Variants in MGMT observed in about 807,000 individuals in gnomAD.
MGMT encodes methylated-DNA--protein-cysteine methyltransferase.
In MGMT, 14 loss-of-function variants were observed where a neutral mutation model predicts 15.9. That is an observed-to-expected ratio of 0.88 (90% CI 0.58 to 1.37). MGMT has a LOEUF of 1.37. Among genes scored for constraint, MGMT ranks in the 40% most tolerant of loss-of-function variants. MGMT has a pLI of 0.00. For synonymous variants in MGMT, 130 were observed against 118.2 expected (o/e 1.10, Z -0.65); for missense variants, 282 against 268.1 (o/e 1.05, Z -0.36).
At chr10:129,640,444 A>T (rs1847315327) in intron 2 of MGMT, among the ~76,000 whole-genome samples, 1 of 152,224 alleles carries the variant, frequency 6.6e-6, no homozygotes, top group South Asian at 2.1e-4. Context: ...TTCAAGAAGA[A>T]ATAGTCTTAA....
intron 2 of MGMT, among the ~76,000 whole-genome samples, chr10:129,575,448 G>A (rs1302630871): frequency 4.0e-5 from 6 of 150,602 alleles, no homozygotes; most frequent in African/African-American, 9.8e-5. Flanking sequence ...GGTACATAAC[G>A]AAATGAAGGC....
At chr10:129,638,443 AAAG>A (rs1435454854) in intron 2 of MGMT, among the ~76,000 whole-genome samples, 47 of 121,392 alleles carry the variant, frequency 3.9e-4, no homozygotes, top group Non-Finnish European at 6.0e-4. Context: ...AAAAAAAAAA[AAAG>A]AAAAAAAAAA....
At chr10:129,627,335 G>A (rs1311340161) in intron 2 of MGMT, among the ~76,000 whole-genome samples, 1 of 151,960 alleles carries the variant, frequency 6.6e-6, no homozygotes, top group Non-Finnish European at 1.5e-5. Flanking sequence ...AGGATTTCTG[G>A]AACCAGTCTA....
chr10:129,716,926 T>G (rs1367615172), intron 3 of MGMT, among the ~76,000 whole-genome samples: 2 of 152,220 alleles, frequency 1.3e-5, no homozygotes, highest in Non-Finnish European at 2.9e-5. Flanking sequence ...TATTTTAATA[T>G]TCAACTGAGC....
chr10:129,513,324 C>T (rs1040945737), intron 1 of MGMT, among the ~76,000 whole-genome samples: 2 of 152,190 alleles, frequency 1.3e-5, no homozygotes, highest in African/African-American at 2.4e-5. Flanking sequence ...GATGGATACA[C>T]AACTTTGTGA....
chr10:129,590,836 A>G (rs1363450632), intron 2 of MGMT, among the ~76,000 whole-genome samples: 1 of 152,198 alleles, frequency 6.6e-6, no homozygotes, highest in African/African-American at 2.4e-5. Flanking sequence ...CTCGTGAGGA[A>G]TATGTCGGTG....
chr10:129,515,206 A>G (rs886347921), intron 1 of MGMT, among the ~76,000 whole-genome samples: 1 of 152,208 alleles, frequency 6.6e-6, no homozygotes, highest in African/African-American at 2.4e-5. Flanking sequence ...CTCGTCTGAG[A>G]GGACACGTGT....
At chr10:129,652,790 G>A (rs1229601301) in intron 2 of MGMT, among the ~76,000 whole-genome samples, 2 of 152,206 alleles carry the variant, frequency 1.3e-5, no homozygotes, top group South Asian at 2.1e-4. Flanking sequence ...TGCCATGCAG[G>A]GCGCACCCAC....
At chr10:129,730,904 G>C (rs1012103024) in intron 3 of MGMT, among the ~76,000 whole-genome samples, 2 of 152,220 alleles carry the variant, frequency 1.3e-5, no homozygotes, top group African/African-American at 4.8e-5. Context: ...CCTTAAGTTT[G>C]TGCTTAAAGT....
chr10:129,622,382 T>C (rs915151460), intron 2 of MGMT, among the ~76,000 whole-genome samples: 1 of 152,240 alleles, frequency 6.6e-6, no homozygotes, highest in Non-Finnish European at 1.5e-5. Context: ...AAATTTGAAA[T>C]CTGGAGTGTT....
chr10:129,544,773 G>A (rs1403862969), intron 2 of MGMT, among the ~76,000 whole-genome samples: 1 of 152,248 alleles, frequency 6.6e-6, no homozygotes, highest in Non-Finnish European at 1.5e-5. Flanking sequence ...TTGTGGTCTT[G>A]AAAAGCTGGT....
intron 3 of MGMT, among the ~76,000 whole-genome samples, chr10:129,757,407 C>G (rs1220411660): frequency 6.6e-6 from 1 of 152,180 alleles, no homozygotes; most frequent in Non-Finnish European, 1.5e-5. Flanking sequence ...ACACCTCCCT[C>G]GTTTCATTCC....
chr10:129,575,170 T>G (rs933100145), intron 2 of MGMT, among the ~76,000 whole-genome samples: 1 of 152,314 alleles, frequency 6.6e-6, no homozygotes, highest in African/African-American at 2.4e-5. Flanking sequence ...AACTCAGCTC[T>G]GCACCAAGCG....
intron 2 of MGMT, among the ~76,000 whole-genome samples, chr10:129,702,726 C>T (rs1289358574): frequency 6.6e-6 from 1 of 152,204 alleles, no homozygotes; most frequent in Non-Finnish European, 1.5e-5. Context: ...GGCTTCCGAG[C>T]AAAGGTGCTC....
At chr10:129,505,136 C>T (rs928047217) in intron 1 of MGMT, among the ~76,000 whole-genome samples, 3 of 152,028 alleles carry the variant, frequency 2.0e-5, no homozygotes, top group Non-Finnish European at 4.4e-5. Flanking sequence ...AAGAATTGCT[C>T]AGGAAAAATA....
At chr10:129,739,083 G>A (rs1037394277) in intron 3 of MGMT, among the ~76,000 whole-genome samples, 3 of 152,168 alleles carry the variant, frequency 2.0e-5, no homozygotes, top group Non-Finnish European at 4.4e-5. Flanking sequence ...ATGCAGAAAA[G>A]GCCTTCAACA....
chr10:129,479,593 T>C (rs1400521356), intron 1 of MGMT, among the ~76,000 whole-genome samples: 1 of 152,108 alleles, frequency 6.6e-6, no homozygotes, highest in East Asian at 1.9e-4. Context: ...AAAGTTTGTG[T>C]GAGTGATGAT....
intron 3 of MGMT, among the ~76,000 whole-genome samples, chr10:129,712,906 G>T (rs1429149533): frequency 6.6e-6 from 1 of 152,164 alleles, no homozygotes; most frequent in Non-Finnish European, 1.5e-5. Flanking sequence ...CTGGAAAGAG[G>T]CATATTAGCC....
chr10:129,522,106 T>G (rs1845818018), intron 1 of MGMT, among the ~76,000 whole-genome samples: 1 of 110,050 alleles, frequency 9.1e-6, no homozygotes, highest in African/African-American at 4.5e-5. Context: ...TGGGTAAGGG[T>G]GAGTGGGAGA....
Sources: allele counts gnomAD v4.1 joint callset (sites outside exome capture counted in the v4.1 genomes callset), GRCh38; gene constraint gnomAD v4.1.1; transcripts MANE v1.5; gene names NCBI Gene and HGNC (gene_info 2026-07-23, HGNC 2026-07-21).